Variants in ANK2 observed in about 807,000 individuals in gnomAD.
ANK2 encodes ankyrin 2.
ANK2 carries 83 observed loss-of-function variants against 360.5 expected under a neutral mutation model. That is an observed-to-expected ratio of 0.23 (90% CI 0.19 to 0.28). The LOEUF (loss-of-function observed/expected upper bound fraction) is 0.28. Ranked by LOEUF, ANK2 falls within the 10% of genes least tolerant of loss-of-function variation. The pLI, the probability that ANK2 is intolerant of heterozygous loss-of-function variation, is 1.00. For missense variants in ANK2, 4,201 were observed against 4,795.7 expected (o/e 0.88, Z 3.66); for synonymous variants, 1,740 against 1,759.5 (o/e 0.99, Z 0.28).
rs1311118062 is a variant in ANK2, at chr4:113,345,883, T to A, written c.4249-17T>A. 1.9e-6 allele frequency: 3 copies of A among 1,613,194 alleles called. No homozygotes were observed. Among genetic ancestry groups the A allele is most frequent in the Non-Finnish European group, 1.7e-6 (2 of 1,179,268 alleles). On this transcript the variant is annotated splice_polypyrimidine_tract_variant and intron_variant, in intron 34 of 45. Transcript: ENST00000357077. ...AAATCAAATGTGGGTGAAGCATGTA[T>A]GTCTTTCTTGTTCAAGGTACGCGAT... is the stretch of plus-strand genomic sequence containing the variant.
rs115816140 is a variant in ANK2 at position 113,303,280 on chromosome 4, G to A, written c.2548+441G>A. On this transcript the variant is annotated intron_variant, in intron 23 of 45. Coordinates refer to ENST00000357077, the MANE Select transcript of ANK2 (RefSeq NM_001148.6). Reference sequence around the variant, plus strand: ...TTGAGAAATCTCTGTATTCTGGTTGGTTCATATGTACAGAATATATTTTAA... The same window carrying A: ...TTGAGAAATCTCTGTATTCTGGTTGATTCATATGTACAGAATATATTTTAA... Among the ~76,000 whole-genome samples the A allele has an allele frequency of 6.5e-3, 994 of 152,198 alleles. 9 individuals are homozygous for A. Among genetic ancestry groups the A allele is most frequent in the African/African-American group, 0.02 (810 of 41,510 alleles).
chr4:113,024,150 C>A (rs2058748079), intron 2 of ANK2, among the ~76,000 whole-genome samples: 1 of 152,028 alleles, frequency 6.6e-6, no homozygotes, highest in African/African-American at 2.4e-5. Context: ...AGAATAAAAA[C>A]CAGAAAAGAA....
At chr4:112,940,204 T>G (rs2094104789) in intron 2 of ANK2, among the ~76,000 whole-genome samples, 1 of 152,230 alleles carries the variant, frequency 6.6e-6, no homozygotes, top group Admixed American at 6.5e-5. Context: ...ACAGGCATTT[T>G]ACTTTCATAT....
At chr4:113,255,709 T>G in intron 10 of ANK2, 26 bp from the exon 11 acceptor site, 1 of 1,608,418 alleles carries the variant, frequency 6.2e-7, no homozygotes, top group Non-Finnish European at 8.5e-7. Context: ...AAAAAGGACA[T>G]TATTTTGTTT....
intron 1 of ANK2, among the ~76,000 whole-genome samples, chr4:113,153,990 C>A (rs2154397694): frequency 6.6e-6 from 1 of 152,270 alleles, no homozygotes; most frequent in East Asian, 1.9e-4. Context: ...CACATAAGAG[C>A]ATAAAAGTAG....
chr4:113,379,266 T>G (rs990565430), intron 45 of ANK2, among the ~76,000 whole-genome samples: 1 of 152,222 alleles, frequency 6.6e-6, no homozygotes, highest in Non-Finnish European at 1.5e-5. Context: ...TCATGGGCTC[T>G]TCAAACAGGA....
At chr4:113,236,881 T>G in intron 5 of ANK2, 106 bp from the exon 6 acceptor site, 1 of 1,149,282 alleles carries the variant, frequency 8.7e-7, no homozygotes, top group East Asian at 2.4e-5. Context: ...TTTTATTCTT[T>G]TGGTTGTCAA....
chr4:112,961,332 T>G (rs1317786588), intron 2 of ANK2, among the ~76,000 whole-genome samples: 2 of 152,168 alleles, frequency 1.3e-5, no homozygotes, highest in African/African-American at 2.4e-5. Context: ...TAAGGTATTT[T>G]TTTTAGTTAT....
intron 2 of ANK2, among the ~76,000 whole-genome samples, chr4:112,999,492 A>G (rs985147394): frequency 2.0e-5 from 3 of 152,182 alleles, no homozygotes; most frequent in Non-Finnish European, 4.4e-5. Context: ...CACCTGACAG[A>G]GAAAGGGAGG....
intron 5 of ANK2, 22 bp downstream of exon 5, chr4:113,232,281 C>A (rs1186773769): frequency 1.3e-6 from 2 of 1,511,008 alleles, no homozygotes; most frequent in Admixed American, 3.3e-5. Context: ...AGCCCTAAAG[C>A]CTTGAATTCT....
intron 41 of ANK2, among the ~76,000 whole-genome samples, chr4:113,367,353 T>C (rs2096573628): frequency 6.6e-6 from 1 of 152,100 alleles, no homozygotes; most frequent in African/African-American, 2.4e-5. Context: ...TGCTCTGCAC[T>C]GGAATTGACC....
At chr4:112,946,510 A>G (rs568308971) in intron 2 of ANK2, among the ~76,000 whole-genome samples, 1 of 152,300 alleles carries the variant, frequency 6.6e-6, no homozygotes, top group South Asian at 2.1e-4. Context: ...CAAACAAGGA[A>G]GGTGGAATCT....
Position 113,274,686 on chromosome 4 carries a change from G to T in ANK2, c.1683+37G>T, listed in dbSNP as rs114486108. ...GACATCATGAGAACATGGACCAAGAGGATTCCTAAGTCATGGCCTTTCTGC... is the reference window on the plus strand; with the variant it reads ...GACATCATGAGAACATGGACCAAGATGATTCCTAAGTCATGGCCTTTCTGC... On this transcript the variant is annotated intron_variant, in intron 15 of 45. Transcript: ENST00000357077. 3.8e-4 allele frequency: 610 copies of T among 1,606,698 alleles called. 4 individuals are homozygous for T. The African/African-American group carries it at 7.6e-3, about 20-fold the overall frequency.
chr4:113,034,930 G>A (rs1205861921), intron 2 of ANK2: 2 of 151,880 alleles, frequency 1.3e-5, no homozygotes, highest in African/African-American at 2.4e-5. Flanking sequence ...ATGTTTCTGT[G>A]GGCTATCTAG....
At chr4:113,194,400 G>C (rs2098718086) in intron 2 of ANK2, among the ~76,000 whole-genome samples, 1 of 152,082 alleles carries the variant, frequency 6.6e-6, no homozygotes, top group Non-Finnish European at 1.5e-5. Flanking sequence ...TCATCCACTA[G>C]CTTTATATGA....
chr4:112,717,548 A>G, the ANK2 span, among the ~76,000 whole-genome samples: 1 of 152,224 alleles, frequency 6.6e-6, no homozygotes, highest in African/African-American at 2.4e-5. Flanking sequence ...GTGAGCTTGT[A>G]GATTTCAGAG....
chr4:113,028,790 C>T (rs1041835729), intron 2 of ANK2, among the ~76,000 whole-genome samples: 5 of 152,172 alleles, frequency 3.3e-5, no homozygotes, highest in Admixed American at 6.5e-5. Context: ...ACAAAAAATG[C>T]GTATTGTTTC....
chr4:113,367,283 C>T (rs1208140375), intron 41 of ANK2, among the ~76,000 whole-genome samples: 1 of 152,076 alleles, frequency 6.6e-6, no homozygotes, highest in African/African-American at 2.4e-5. Context: ...CATTTTCTTT[C>T]CAAATTCTAA....
chr4:112,827,581 G>A (rs565445189), intron 1 of ANK2: 4 of 1,033,716 alleles, frequency 3.9e-6, no homozygotes, highest in East Asian at 4.8e-5. Flanking sequence ...ATATTCTCGA[G>A]CTCTATACCT....
Sources: gnomAD v4.1 joint callset for allele counts (sites outside exome capture counted in the v4.1 genomes callset) on GRCh38, gnomAD v4.1.1 for gene constraint, MANE v1.5 for transcripts, NCBI Gene and HGNC (gene_info 2026-07-23, HGNC 2026-07-21) for gene names.